The following CC2D2A variants were observed in gnomAD, a reference collection of about 807,000 sequenced individuals.
The protein encoded by CC2D2A is coiled-coil and C2 domain-containing protein 2A.
Under a neutral mutation model 212.9 loss-of-function variants are expected in CC2D2A, and 155 were observed. That is an observed-to-expected ratio of 0.73 (90% confidence interval 0.64 to 0.83). CC2D2A has a LOEUF of 0.83. Among genes scored for constraint, CC2D2A ranks in the 40% least tolerant of loss-of-function variants. The pLI, the probability that CC2D2A is intolerant of heterozygous loss-of-function variation, is 0.00. For missense variants in CC2D2A, 1,856 were observed against 1,956.2 expected (o/e 0.95, Z 0.97); for synonymous variants, 667 against 686.5 (o/e 0.97, Z 0.44).
At chr4:15,494,139 G>A (rs1029870833) in intron 4 of CC2D2A, among the ~76,000 whole-genome samples, 8 of 152,154 alleles carry the variant, frequency 5.3e-5, no homozygotes, top group African/African-American at 1.9e-4. Flanking sequence ...AACTCTCAGA[G>A]TCTCTGAAAG....
rs912791690 is a variant in CC2D2A at position 15,478,934 on chromosome 4, G to T, written c.123+128G>T. The T allele has an allele frequency of 5.1e-6, 4 of 789,412 alleles. No homozygotes were observed. In the Admixed American group the frequency reaches 9.4e-5, roughly 18 times the overall value. 48.9% of individuals were successfully genotyped at this position (789,412 alleles called of 1,614,324 possible). ...TGGTACCAACTTTTGGCCTGCTCTG[G>T]GGGGCTGTGAGGCGGGGATGCAGAT... On this transcript the variant is annotated intron_variant, in intron 3 of 36. Transcript: ENST00000424120.
chr4:15,530,031 G>A (rs1162317991), intron 13 of CC2D2A, among the ~76,000 whole-genome samples: 1 of 151,704 alleles, frequency 6.6e-6, no homozygotes, highest in Admixed American at 6.6e-5. Context: ...GAGTGCAGTG[G>A]TGCGATTTCG....
intron 11 of CC2D2A, among the ~76,000 whole-genome samples, chr4:15,517,483 A>G (rs965870204): frequency 7.2e-5 from 11 of 152,190 alleles, no homozygotes; most frequent in African/African-American, 2.7e-4. Context: ...TCTGGTAACA[A>G]GCTGCCTAAT....
At chr4:15,568,475 G>A (rs112158713) in intron 26 of CC2D2A, among the ~76,000 whole-genome samples, 11 of 152,346 alleles carry the variant, frequency 7.2e-5, no homozygotes, top group Non-Finnish European at 1.2e-4. Flanking sequence ...TGTAATCCCA[G>A]CTACTTGGAG....
chr4:15,555,050 T>A, intron 19 of CC2D2A, 22 bp from the exon 20 acceptor site: 4 of 1,598,050 alleles, frequency 2.5e-6, no homozygotes, highest in Non-Finnish European at 3.4e-6. Flanking sequence ...GTCAGTCTCA[T>A]GGAATCAACT....
Position 15,586,218 on chromosome 4 carries a change from G to GT in CC2D2A, c.4038dup (p.Ile1347TyrfsTer3). The GT allele has an allele frequency of 1.2e-6, 2 of 1,607,680 alleles. No individual in the cohort carries two copies. The highest frequency in any genetic ancestry group is 1.7e-6 in the Non-Finnish European group (2 of 1,175,944). The stretch of plus-strand genomic sequence containing the variant: ...TTGCCTGACACTGTCTCATTTGGTG[G>GT]TATCTGTGACCTCTGGAGCACATCT... On this transcript the variant is annotated frameshift_variant, in exon 31 of 37. Transcript: ENST00000424120. LOFTEE classifies it high-confidence loss of function.
chr4:15,533,264 GGAAA>G lies in CC2D2A; in HGVS notation c.1541_1544del (p.Lys514ArgfsTer2). On this transcript the variant is annotated frameshift_variant, in exon 14 of 37. Coordinates refer to ENST00000424120, the MANE Select transcript of CC2D2A (RefSeq NM_001378615.1). LOFTEE classifies it high-confidence loss of function. ...TTGCTTAAGACTATCATAAAAGTTT[GGAAA>G]GAGATGAAATCCCTTCGAGAGTTCC... 6 of 1,600,874 alleles carry G rather than the reference GGAAA, an allele frequency of 3.7e-6. No homozygotes were observed. Among genetic ancestry groups the G allele is most frequent in the Non-Finnish European group, 5.1e-6 (6 of 1,175,418 alleles).
intron 4 of CC2D2A, among the ~76,000 whole-genome samples, chr4:15,493,426 T>TG (rs1715433130): frequency 6.6e-6 from 1 of 151,980 alleles, no homozygotes; most frequent in Non-Finnish European, 1.5e-5. Context: ...GGACTACAGG[T>TG]GTACACCATC....
rs541672745 is a variant in CC2D2A at position 15,536,867 on chromosome 4, G to A, written c.1608-53G>A. ...AATATAAGTATTTGCTGTTATTATT[G>A]CTCTCTTACTTAATTTCCAGAAATA... On this transcript the variant is annotated intron_variant, in intron 14 of 36. Coordinates refer to ENST00000424120, the MANE Select transcript of CC2D2A (RefSeq NM_001378615.1). The A allele has an allele frequency of 7.1e-6, 11 of 1,545,230 alleles. No individual in the cohort carries two copies. In the African/African-American group the frequency reaches 1.5e-4, roughly 21 times the overall value.
intron 26 of CC2D2A, among the ~76,000 whole-genome samples, 189 bp downstream of exon 26, chr4:15,567,975 G>T (rs1020582642): frequency 6.6e-6 from 1 of 152,072 alleles, no homozygotes; most frequent in African/African-American, 2.4e-5. Flanking sequence ...GAATAAAAAT[G>T]GAAAAATGTC....
intron 11 of CC2D2A, among the ~76,000 whole-genome samples, chr4:15,520,043 A>G (rs1445161854): frequency 1.3e-5 from 2 of 152,218 alleles, no homozygotes; most frequent in East Asian, 3.8e-4. Flanking sequence ...ACACAGGCCC[A>G]GGCGGATTCT....
At chr4:15,563,284 C>T (rs1178849421) in intron 23 of CC2D2A, 71 bp from the exon 24 acceptor site, 29 of 1,444,620 alleles carry the variant, frequency 2.0e-5, no homozygotes, top group East Asian at 9.9e-5. Context: ...GGGCAGAGTT[C>T]GGGAAGTCGT....
chr4:15,542,175 G>C (rs752931792), intron 17 of CC2D2A, among the ~76,000 whole-genome samples: 2 of 152,068 alleles, frequency 1.3e-5, no homozygotes, highest in Non-Finnish European at 2.9e-5. Flanking sequence ...TATCTGCAAA[G>C]ACCCCATTTC....
chr4:15,508,621 A>T (rs1156232906), intron 6 of CC2D2A, among the ~76,000 whole-genome samples: 1 of 152,210 alleles, frequency 6.6e-6, no homozygotes, highest in East Asian at 1.9e-4. Context: ...CAAGCTCTAC[A>T]AGACAGTGCC....
At chr4:15,547,046 C>A (rs1447069433) in intron 17 of CC2D2A, among the ~76,000 whole-genome samples, 2 of 151,950 alleles carry the variant, frequency 1.3e-5, no homozygotes, top group Admixed American at 1.3e-4. Context: ...ATTTCTCTGA[C>A]AAAATGACAG....
chr4:15,491,769 G>C (rs913410500), intron 4 of CC2D2A, among the ~76,000 whole-genome samples: 1 of 152,118 alleles, frequency 6.6e-6, no homozygotes, highest in African/African-American at 2.4e-5. Flanking sequence ...AATTCTTTAT[G>C]TATTTTAGAT....
At chr4:15,599,985 A>G (rs1044433287) in intron 36 of CC2D2A, among the ~76,000 whole-genome samples, 7 of 152,356 alleles carry the variant, frequency 4.6e-5, no homozygotes, top group African/African-American at 1.4e-4. Context: ...ATCATGTTAG[A>G]CACAACTGTG....
At chr4:15,500,107 G>GTGTATATATATATA (rs1479141284) in intron 4 of CC2D2A, among the ~76,000 whole-genome samples, 1 of 112,948 alleles carries the variant, frequency 8.9e-6, no homozygotes, top group Non-Finnish European at 1.8e-5. Context: ...GTGTGTGTGT[G>GTGTATATATATATA]TATATATATA....
chr4:15,599,086 C>T (rs1026979656), intron 35 of CC2D2A, among the ~76,000 whole-genome samples: 6 of 151,802 alleles, frequency 4.0e-5, no homozygotes, highest in Non-Finnish European at 7.4e-5. Flanking sequence ...CACTTGAGCC[C>T]GAGAGTTGAG....
Sources: gnomAD v4.1 joint callset for allele counts (sites outside exome capture counted in the v4.1 genomes callset) on GRCh38, gnomAD v4.1.1 for gene constraint, MANE v1.5 for transcripts, NCBI Gene and HGNC (gene_info 2026-07-23, HGNC 2026-07-21) for gene names.